Variants in DLGAP2 observed in about 807,000 individuals in gnomAD.
The protein encoded by DLGAP2 is DLG associated protein 2, also known as disks large-associated protein 2.
Under a neutral mutation model 100.3 loss-of-function variants are expected in DLGAP2, and 26 were observed. That is an observed-to-expected ratio of 0.26 (90% CI 0.19 to 0.36). The LOEUF (loss-of-function observed/expected upper bound fraction) is 0.36. Among genes scored for constraint, DLGAP2 ranks in the 10% least tolerant of loss-of-function variants. The pLI, the probability that DLGAP2 is intolerant of heterozygous loss-of-function variation, is 1.00. For missense variants in DLGAP2, 1,858 were observed against 1,453.2 expected (o/e 1.28, Z -4.53); for synonymous variants, 886 against 630.1 (o/e 1.41, Z -6.08).
rs546695574 is a variant in DLGAP2 at position 1,530,822 on chromosome 8, C to T, written c.173-17804C>T. Among the ~76,000 whole-genome samples, 18 of 152,336 alleles carry T rather than the reference C, an allele frequency of 1.2e-4. No individual in the cohort carries two copies. The East Asian group carries it at 1.3e-3, about 11-fold the overall frequency. Reference sequence around the variant, plus strand: ...TGTTGTGGTGATTATAACAATTCCACGTGCATACCTTCCCCACTTCCAGCA... The same window carrying T: ...TGTTGTGGTGATTATAACAATTCCATGTGCATACCTTCCCCACTTCCAGCA... On this transcript the variant is annotated intron_variant, in intron 4 of 14. Transcript: ENST00000637795.
chr8:1,626,942 C>G, intron 7 of DLGAP2, 55 bp downstream of exon 7: 2 of 1,539,318 alleles, frequency 1.3e-6, no homozygotes. Flanking sequence ...GCCAGGCTGG[C>G]ACGGAGGCCC....
intron 2 of DLGAP2, among the ~76,000 whole-genome samples, chr8:1,141,529 G>A (rs1796522560): frequency 6.6e-6 from 1 of 152,022 alleles, no homozygotes; most frequent in African/African-American, 2.4e-5. Context: ...TGGTCAAATA[G>A]GATCTTTCTT....
intron 1 of DLGAP2, among the ~76,000 whole-genome samples, chr8:859,157 G>T (rs891762623): frequency 6.6e-6 from 1 of 150,588 alleles, no homozygotes; most frequent in African/African-American, 2.4e-5. Flanking sequence ...TATTGCCCAG[G>T]CTGGAGTGCA....
intron 3 of DLGAP2, among the ~76,000 whole-genome samples, chr8:1,482,886 CAA>C (rs924930291): frequency 2.6e-5 from 4 of 152,258 alleles, no homozygotes; most frequent in Non-Finnish European, 5.9e-5. Context: ...GAGAAAGAAG[CAA>C]AGACACGAGC....
Position 907,966 on chromosome 8 carries a change from G to C in DLGAP2, c.73G>C (p.Glu25Gln). The C allele has an allele frequency of 2.5e-6, 1 of 398,998 alleles. No homozygotes were observed. The highest frequency in any genetic ancestry group is 4.4e-6 in the Non-Finnish European group (1 of 226,046). 24.7% of individuals were successfully genotyped at this position (398,998 alleles called of 1,614,324 possible). A position where few individuals can be genotyped will look rare whatever the true frequency, so the allele number is the denominator to read the frequency against. ...CTGTATCTTACCAGACAGGAATACAGGTAAATACATTTCATTCTTCTGATT... is the reference window on the plus strand; with the variant it reads ...CTGTATCTTACCAGACAGGAATACACGTAAATACATTTCATTCTTCTGATT... ...HCCILPDRNT[E>Q]SQCTLCGEPE... The change falls in exon 2 of 15, where the codon GAG becomes CAG. Residue 25 changes from glutamate to glutamine, a missense_variant and splice_region_variant. Physicochemically the swap from Glu to Gln is conservative, Grantham distance 29 (BLOSUM62 2). Coordinates refer to ENST00000637795, the MANE Select transcript of DLGAP2 (RefSeq NM_001346810.2).
At chr8:1,367,209 G>C (rs1802129565) in intron 3 of DLGAP2, among the ~76,000 whole-genome samples, 1 of 152,236 alleles carries the variant, frequency 6.6e-6, no homozygotes, top group Non-Finnish European at 1.5e-5. Context: ...GAATCAAAAT[G>C]CAAGAATTTT....
chr8:1,594,105 A>T (rs1417296064), intron 6 of DLGAP2, among the ~76,000 whole-genome samples: 1 of 152,186 alleles, frequency 6.6e-6, no homozygotes, highest in African/African-American at 2.4e-5. Context: ...AAGGGAAAGA[A>T]TTGGCTGAGA....
intron 3 of DLGAP2, among the ~76,000 whole-genome samples, chr8:1,434,549 T>C (rs1797560921): frequency 6.6e-6 from 1 of 152,078 alleles, no homozygotes; most frequent in South Asian, 2.1e-4. Context: ...CAATCTTGGC[T>C]CACTGCAGGC....
intron 1 of DLGAP2, among the ~76,000 whole-genome samples, chr8:783,017 A>C (rs73539410): frequency 6.6e-6 from 1 of 152,222 alleles, no homozygotes. Flanking sequence ...CAGTGACCGC[A>C]TGACCGCATG....
At chr8:1,254,832 G>A (rs1799135482) in intron 2 of DLGAP2, among the ~76,000 whole-genome samples, 1 of 128,860 alleles carries the variant, frequency 7.8e-6, no homozygotes, top group African/African-American at 3.0e-5. Flanking sequence ...GACCGCTCCT[G>A]ACTTTTCCTC....
chr8:1,510,391 A>G (rs915796622), intron 4 of DLGAP2, among the ~76,000 whole-genome samples: 3 of 152,188 alleles, frequency 2.0e-5, no homozygotes, highest in Non-Finnish European at 4.4e-5. Context: ...TGCGTGACGA[A>G]CGTATTGTTG....
intron 3 of DLGAP2, among the ~76,000 whole-genome samples, chr8:1,475,491 G>A (rs879485957): frequency 2.6e-5 from 4 of 152,128 alleles, no homozygotes; most frequent in African/African-American, 4.8e-5. Flanking sequence ...GCACCCCAGC[G>A]TTTTGCTTTG....
At chr8:1,450,908 G>T (rs1253597279) in intron 3 of DLGAP2, among the ~76,000 whole-genome samples, 1 of 152,124 alleles carries the variant, frequency 6.6e-6, no homozygotes, top group Non-Finnish European at 1.5e-5. Context: ...GAATTGCTTA[G>T]TGAAACACTT....
intron 6 of DLGAP2, among the ~76,000 whole-genome samples, chr8:1,615,619 C>T (rs559992895): frequency 4.7e-5 from 7 of 149,576 alleles, no homozygotes; most frequent in African/African-American, 1.5e-4. Context: ...TAGAATTCAC[C>T]GGAAAGATCT....
intron 8 of DLGAP2, among the ~76,000 whole-genome samples, chr8:1,667,516 A>G (rs1798575057): frequency 2.0e-5 from 3 of 152,168 alleles, no homozygotes; most frequent in African/African-American, 7.2e-5. Flanking sequence ...GCCTGTACTT[A>G]TAGGGAAGCA....
chr8:1,227,501 C>CTT (rs200323661), intron 2 of DLGAP2, among the ~76,000 whole-genome samples: 35 of 143,698 alleles, frequency 2.4e-4, no homozygotes, highest in East Asian at 8.2e-4. Flanking sequence ...CTTTTCTTTT[C>CTT]TTTTTTTTTT....
chr8:1,323,909 T>C (rs1303018654), intron 3 of DLGAP2, among the ~76,000 whole-genome samples: 1 of 152,230 alleles, frequency 6.6e-6, no homozygotes, highest in African/African-American at 2.4e-5. Context: ...TATTTGTTTA[T>C]TATTTATGCT....
chr8:1,631,380 G>A (rs34286174), intron 7 of DLGAP2, among the ~76,000 whole-genome samples: 12,635 of 152,164 alleles, frequency 0.083, 733 homozygotes, highest in South Asian at 0.26. Context: ...CGCTGTCTAC[G>A]ATACATCTTT....
chr8:1,339,744 C>T (rs1269868242), intron 3 of DLGAP2, among the ~76,000 whole-genome samples: 1 of 152,188 alleles, frequency 6.6e-6, no homozygotes, highest in African/African-American at 2.4e-5. Context: ...AGAGGAGCCA[C>T]CTGCCCTGCG....
Sources: gnomAD v4.1 joint callset for allele counts (sites outside exome capture counted in the v4.1 genomes callset) on GRCh38, gnomAD v4.1.1 for gene constraint, MANE v1.5 for transcripts, NCBI Gene and HGNC (gene_info 2026-07-23, HGNC 2026-07-21) for gene names.